The following SGCD variants were observed in gnomAD, a reference collection of about 807,000 sequenced individuals.
The protein encoded by SGCD is delta-sarcoglycan.
SGCD carries 18 observed loss-of-function variants against 36.6 expected under a neutral mutation model. That is an observed-to-expected ratio of 0.49 (90% CI 0.34 to 0.73). The LOEUF is 0.73. Ranked by LOEUF, SGCD falls within the 30% of genes least tolerant of loss-of-function variation. The pLI is 0.01. For missense variants in SGCD, 387 were observed against 346.7 expected, an observed-to-expected ratio of 1.12 and a Z score of -0.92; for synonymous variants, 133 against 130.6, an observed-to-expected ratio of 1.02 and a Z score of -0.12.
At chr5:155,743,381 G>A in the SGCD span, among the ~76,000 whole-genome samples, 4 of 152,162 alleles carry the variant, frequency 2.6e-5, no homozygotes, top group Non-Finnish European at 4.4e-5. Context: ...GATTCTTCTA[G>A]CTCCTCAGTC....
intron 6 of SGCD, among the ~76,000 whole-genome samples, chr5:156,609,865 A>T (rs1049633809): frequency 1.3e-5 from 2 of 152,014 alleles, no homozygotes; most frequent in African/African-American, 2.4e-5. Context: ...CATTCATCAC[A>T]TAGTTCTCGT....
the SGCD span, among the ~76,000 whole-genome samples, chr5:155,727,843 T>C: frequency 7.2e-5 from 11 of 152,222 alleles, no homozygotes; most frequent in Non-Finnish European, 1.6e-4. Context: ...GAACAAGCTC[T>C]CGCTGGGAAT....
chr5:155,871,032 A>G (rs1421429333), intron 1 of SGCD, among the ~76,000 whole-genome samples: 3 of 151,992 alleles, frequency 2.0e-5, no homozygotes, highest in Non-Finnish European at 2.9e-5. Flanking sequence ...GTATCATATG[A>G]TTGATTTCGG....
the SGCD span, among the ~76,000 whole-genome samples, chr5:155,794,705 T>A: frequency 6.6e-6 from 1 of 152,080 alleles, no homozygotes; most frequent in Admixed American, 6.5e-5. Flanking sequence ...AAGTGTCTAA[T>A]GTACAGGTAA....
intron 3 of SGCD, among the ~76,000 whole-genome samples, chr5:156,423,315 A>T (rs1293999967): frequency 1.1e-5 from 1 of 89,340 alleles, no homozygotes; most frequent in African/African-American, 5.2e-5. Context: ...TTTTATTATA[A>T]TATAATATAT....
At chr5:156,491,809 A>G (rs1755956047) in intron 3 of SGCD, among the ~76,000 whole-genome samples, 1 of 152,144 alleles carries the variant, frequency 6.6e-6, no homozygotes, top group Non-Finnish European at 1.5e-5. Flanking sequence ...TGGTAGTCCC[A>G]TTCCTAGCAA....
intron 3 of SGCD, among the ~76,000 whole-genome samples, chr5:156,477,685 CAA>C (rs11411986): frequency 5.5e-4 from 56 of 102,128 alleles, no homozygotes; most frequent in South Asian, 3.4e-3. Context: ...AGTATTTGAG[CAA>C]AAAAAAAAAA....
intron 7 of SGCD, among the ~76,000 whole-genome samples, chr5:156,754,174 T>G (rs1757254608): frequency 6.6e-6 from 1 of 152,206 alleles, no homozygotes; most frequent in African/African-American, 2.4e-5. Context: ...TCCCTCCTGC[T>G]AATCTCAGAG....
chr5:155,850,401 A>G, the SGCD span, among the ~76,000 whole-genome samples: 3 of 151,882 alleles, frequency 2.0e-5, no homozygotes, highest in Non-Finnish European at 4.4e-5. Context: ...CTCAAAATAG[A>G]GACAGAGAGA....
At chr5:156,731,939 G>A (rs115189737) in intron 7 of SGCD, among the ~76,000 whole-genome samples, 14 of 152,186 alleles carry the variant, frequency 9.2e-5, no homozygotes, top group East Asian at 3.9e-4. Flanking sequence ...GTTCACTCTT[G>A]ATTTGGCTCT....
intron 1 of SGCD, among the ~76,000 whole-genome samples, chr5:156,057,789 G>T (rs2127582936): frequency 6.9e-6 from 1 of 145,930 alleles, no homozygotes; most frequent in South Asian, 2.2e-4. Flanking sequence ...CATAATGATT[G>T]GAAAACATCA....
chr5:155,974,094 A>C (rs1005773105), intron 1 of SGCD, among the ~76,000 whole-genome samples: 1 of 152,142 alleles, frequency 6.6e-6, no homozygotes, highest in Non-Finnish European at 1.5e-5. Context: ...TATCTTCTAC[A>C]TCTCAATCTT....
chr5:156,756,243 A>G (rs1457233732), intron 7 of SGCD, among the ~76,000 whole-genome samples: 2 of 152,192 alleles, frequency 1.3e-5, no homozygotes, highest in African/African-American at 2.4e-5. Context: ...ATACATTCCT[A>G]TCTGGTAATA....
chr5:156,414,570 ATC>A (rs1470489659), intron 3 of SGCD, among the ~76,000 whole-genome samples: 1 of 152,210 alleles, frequency 6.6e-6, no homozygotes, highest in Admixed American at 6.5e-5. Context: ...GCAATTACTC[ATC>A]TCTGCTGTTT....
intron 1 of SGCD, among the ~76,000 whole-genome samples, chr5:156,091,813 A>C (rs1761251506): frequency 6.6e-6 from 1 of 152,258 alleles, no homozygotes; most frequent in Non-Finnish European, 1.5e-5. Flanking sequence ...ATGAGGCATG[A>C]ACACAGTGAC....
chr5:155,960,860 CATA>C (rs1410123964), intron 1 of SGCD, among the ~76,000 whole-genome samples: 1 of 152,132 alleles, frequency 6.6e-6, no homozygotes, highest in Non-Finnish European at 1.5e-5. Flanking sequence ...CTGACACACA[CATA>C]ATAAGTAGTT....
intron 3 of SGCD, among the ~76,000 whole-genome samples, chr5:156,314,057 T>C (rs1005470491): frequency 5.3e-5 from 8 of 152,010 alleles, no homozygotes; most frequent in African/African-American, 1.9e-4. Context: ...TGTGATAAGA[T>C]GGTTCATGAT....
chr5:155,828,199 G>A, the SGCD span, among the ~76,000 whole-genome samples: 3 of 152,058 alleles, frequency 2.0e-5, no homozygotes, highest in Non-Finnish European at 4.4e-5. Context: ...ACCTATCTAC[G>A]GGGTTATGCT....
intron 3 of SGCD, among the ~76,000 whole-genome samples, chr5:156,448,743 T>C (rs1357039933): frequency 7.5e-6 from 1 of 133,652 alleles, no homozygotes; most frequent in Non-Finnish European, 1.6e-5. Context: ...TTTTTTTTTT[T>C]TTTTTTTTTT....
Sources: allele counts gnomAD v4.1 joint callset (sites outside exome capture counted in the v4.1 genomes callset), GRCh38; gene constraint gnomAD v4.1.1; transcripts MANE v1.5; gene names NCBI Gene and HGNC (gene_info 2026-07-23, HGNC 2026-07-21).